SGIP1: variants seen among roughly 807,000 people sequenced by gnomAD.
SGIP1 encodes the protein SH3-containing GRB2-like protein 3-interacting protein 1.
A neutral mutation model predicts 107.5 loss-of-function variants in SGIP1; 38 were observed. The observed-to-expected ratio is 0.35, with a 90% CI of 0.27 to 0.46. The LOEUF is 0.46. Ranked by LOEUF, SGIP1 falls within the 20% of genes least tolerant of loss-of-function variation. The probability of loss-of-function intolerance (pLI) is 1.00; values close to 1 mark genes in which losing one functional copy is unlikely to be tolerated. For missense variants in SGIP1, 929 were observed against 1,019.5 expected, an observed-to-expected ratio of 0.91 and a Z score of 1.21; for synonymous variants, 365 against 366.1, an observed-to-expected ratio of 1.00 and a Z score of 0.03.
At chr1:66,557,449 T>A (rs1355990748) in intron 1 of SGIP1, among the ~76,000 whole-genome samples, 1 of 152,106 alleles carries the variant, frequency 6.6e-6, no homozygotes, top group Non-Finnish European at 1.5e-5. Context: ...TAAAGTAAAC[T>A]GCCTATTTTT....
intron 13 of SGIP1, among the ~76,000 whole-genome samples, chr1:66,677,760 A>G (rs569348554): frequency 1.3e-5 from 2 of 152,298 alleles, no homozygotes; most frequent in Non-Finnish European, 2.9e-5. Context: ...TTAAAGATTT[A>G]TTGAATTCCC....
chr1:66,565,452 G>A (rs1180260986), intron 1 of SGIP1, among the ~76,000 whole-genome samples: 3 of 151,920 alleles, frequency 2.0e-5, no homozygotes, highest in Non-Finnish European at 4.4e-5. Flanking sequence ...GTTGTATTAA[G>A]GGGTAAGGGG....
At chr1:66,595,654 T>C (rs1235442663) in intron 1 of SGIP1, among the ~76,000 whole-genome samples, 1 of 152,228 alleles carries the variant, frequency 6.6e-6, no homozygotes, top group Admixed American at 6.5e-5. Context: ...TACTAGCTTT[T>C]CTGACCTTTT....
intron 8 of SGIP1, chr1:66,666,691 C>G (rs1399564863): frequency 6.6e-6 from 1 of 152,172 alleles, no homozygotes; most frequent in African/African-American, 2.4e-5. Flanking sequence ...CCTTCACATC[C>G]CTTGTAAGTT....
chr1:66,688,448 C>T (rs1447943547), intron 15 of SGIP1, among the ~76,000 whole-genome samples: 1 of 152,182 alleles, frequency 6.6e-6, no homozygotes. Flanking sequence ...ATCCAAGAAG[C>T]TCTTTCAAAA....
intron 19 of SGIP1, among the ~76,000 whole-genome samples, chr1:66,720,876 T>A (rs2093497170): frequency 6.6e-6 from 1 of 152,188 alleles, no homozygotes; most frequent in Non-Finnish European, 1.5e-5. Context: ...GAAATTGGTA[T>A]AACTAATCAT....
intron 21 of SGIP1, among the ~76,000 whole-genome samples, chr1:66,734,511 T>G (rs535480834): frequency 6.6e-5 from 10 of 151,238 alleles, no homozygotes; most frequent in African/African-American, 1.5e-4. Flanking sequence ...TTTGGTTTTT[T>G]TTTTTTTTTT....
intron 1 of SGIP1, among the ~76,000 whole-genome samples, chr1:66,598,905 A>G (rs1411462873): frequency 4.6e-5 from 7 of 152,194 alleles, no homozygotes; most frequent in Non-Finnish European, 7.4e-5. Context: ...AGATGATGTC[A>G]TATCCTTGCA....
At chr1:66,727,068 A>T (rs1409882473) in intron 19 of SGIP1, among the ~76,000 whole-genome samples, 1 of 152,248 alleles carries the variant, frequency 6.6e-6, no homozygotes, top group Non-Finnish European at 1.5e-5. Flanking sequence ...ATTAGATATA[A>T]CCCATAAAAG....
chr1:66,684,277 A>G (rs1229931809), intron 15 of SGIP1: 1 of 1,527,144 alleles, frequency 6.5e-7, no homozygotes, highest in East Asian at 2.5e-5. Context: ...AACTTATTTG[A>G]CTACTGACAC....
intron 18 of SGIP1, among the ~76,000 whole-genome samples, chr1:66,697,414 G>A (rs530882199): frequency 1.1e-4 from 17 of 152,138 alleles, no homozygotes; most frequent in South Asian, 4.2e-4. Flanking sequence ...TGCAAGAAGC[G>A]TTTTAATAGA....
At chr1:66,662,743 AAAAGTAGAAGGG>A (rs1185089438) in intron 8 of SGIP1, among the ~76,000 whole-genome samples, 1 of 152,226 alleles carries the variant, frequency 6.6e-6, no homozygotes, top group Non-Finnish European at 1.5e-5. Context: ...ACACCAAAAT[AAAAGTAGAAGGG>A]AAAATAAAAT....
intron 1 of SGIP1, among the ~76,000 whole-genome samples, chr1:66,552,077 G>C (rs1382591351): frequency 6.6e-6 from 1 of 152,078 alleles, no homozygotes; most frequent in African/African-American, 2.4e-5. Flanking sequence ...GGGAGTAGCA[G>C]AGCAGGATGG....
Position 66,673,200 on chromosome 1 carries a change from A to G in SGIP1, c.561-81A>G, listed in dbSNP as rs1054753150. ...ACACACACTTGTTTCACTAAGAAAAATATGTGAAAGCTTGTATATCTTTTT... is the reference window on the plus strand; with the variant it reads ...ACACACACTTGTTTCACTAAGAAAAGTATGTGAAAGCTTGTATATCTTTTT... On this transcript the variant is annotated intron_variant, in intron 11 of 24. Coordinates refer to ENST00000371037, the MANE Select transcript of SGIP1 (RefSeq NM_032291.4). 4.3e-5 allele frequency: 61 copies of G among 1,418,232 alleles called. No homozygotes were observed. In the African/African-American group the frequency reaches 7.3e-4, roughly 17 times the overall value. 87.9% of individuals were successfully genotyped at this position (1,418,232 alleles called of 1,614,324 possible). A position where few individuals can be genotyped will look rare whatever the true frequency, so the allele number is the denominator to read the frequency against.
At chr1:66,679,821 C>T (rs2086263719) in intron 14 of SGIP1, 69 bp downstream of exon 14, 3 of 1,380,668 alleles carry the variant, frequency 2.2e-6, no homozygotes, top group South Asian at 2.9e-5. Flanking sequence ...TGAACATGCC[C>T]TTGATGTGTT....
At chr1:66,581,742 G>A (rs1469993389) in intron 1 of SGIP1, among the ~76,000 whole-genome samples, 2 of 152,016 alleles carry the variant, frequency 1.3e-5, no homozygotes, top group Admixed American at 1.3e-4. Flanking sequence ...GCTGAAGACT[G>A]AAGAGTGATT....
Position 66,634,752 on chromosome 1 carries a change from G to A in SGIP1, c.100-1192G>A, listed in dbSNP as rs1007750062. Among the ~76,000 whole-genome samples the A allele has an allele frequency of 3.3e-5, 5 of 152,318 alleles. No individual in the cohort carries two copies. The East Asian group carries it at 5.8e-4, about 18-fold the overall frequency. ...GGAAAAGGCTACGTTCAAAATAAAT[G>A]CACTTCCTCAGAAACAGGCTTTATA... On this transcript the variant is annotated intron_variant, in intron 3 of 24. Coordinates refer to ENST00000371037, the MANE Select transcript of SGIP1 (RefSeq NM_032291.4).
intron 17 of SGIP1, chr1:66,694,710 A>C (rs2150145859): frequency 2.4e-6 from 1 of 409,952 alleles, no homozygotes; most frequent in East Asian, 3.6e-5. Flanking sequence ...AGCAGGTTGC[A>C]TGACAGTTTC....
At chr1:66,543,823 G>A (rs764758426) in intron 1 of SGIP1, among the ~76,000 whole-genome samples, 8 of 152,144 alleles carry the variant, frequency 5.3e-5, no homozygotes, top group Non-Finnish European at 2.9e-5. Context: ...TACCTACCTC[G>A]TAGAGTCATT....
Sources: allele counts gnomAD v4.1 joint callset (sites outside exome capture counted in the v4.1 genomes callset), GRCh38; gene constraint gnomAD v4.1.1; transcripts MANE v1.5; gene names NCBI Gene and HGNC (gene_info 2026-07-23, HGNC 2026-07-21).